Variants in HNF4A observed in about 807,000 individuals in gnomAD.
HNF4A encodes hepatocyte nuclear factor 4 alpha, also known as hepatocyte nuclear factor 4-alpha.
A neutral mutation model predicts 52.4 loss-of-function variants in HNF4A; 15 were observed. The observed-to-expected ratio is 0.29, with a 90% CI of 0.19 to 0.44. HNF4A has a LOEUF of 0.44. HNF4A is among the 20% of genes least tolerant of loss of function. The probability of loss-of-function intolerance (pLI) is 1.00; values close to 1 mark genes in which losing one functional copy is unlikely to be tolerated. For synonymous variants in HNF4A, 280 were observed against 264.4 expected (o/e 1.06, Z -0.57); for missense variants, 479 against 647.2 (o/e 0.74, Z 2.82).
chr20:44,377,431 C>T (rs1380785353), intron 1 of HNF4A, among the ~76,000 whole-genome samples: 2 of 152,090 alleles, frequency 1.3e-5, no homozygotes, highest in East Asian at 3.9e-4. Context: ...CCTCCTGATT[C>T]GAAAATAAAA....
chr20:44,383,304 AC>A (rs2063178344), intron 1 of HNF4A, among the ~76,000 whole-genome samples: 1 of 152,172 alleles, frequency 6.6e-6, no homozygotes, highest in Non-Finnish European at 1.5e-5. Context: ...AATAATCCCC[AC>A]CACGACCTAA....
In HNF4A at chr20:44,356,588, C is replaced by T. The variant is rs571135278; in HGVS notation, c.49+735C>T. On this transcript the variant is annotated intron_variant, in intron 1 of 9. Transcript: ENST00000316673. ...ACATCTGTGTGTGACAGGGAAGAAC[C>T]TCTCAGTTAAATTAAGTGAAAACGG... 3.3e-5 allele frequency among the ~76,000 whole-genome samples: 5 copies of T among 152,238 alleles called. No homozygotes were observed. The South Asian group carries it at 1.0e-3, about 32-fold the overall frequency.
chr20:44,414,125 T>G (rs1329165214), intron 4 of HNF4A, among the ~76,000 whole-genome samples: 1 of 152,160 alleles, frequency 6.6e-6, no homozygotes, highest in Non-Finnish European at 1.5e-5. Context: ...GGTGGCAAAG[T>G]GGGGCCCAGC....
rs1212441244 is a variant in HNF4A, at chr20:44,387,655, C to CGGG, written c.50-18393_50-18391dup. On this transcript the variant is annotated intron_variant, in intron 1 of 9. Coordinates refer to the HNF4A transcript ENST00000316673. Reference sequence around the variant, plus strand: ...AGTGAAGGGGTGGGGTGGAGGCAGGCGGGGGGGGGGGGAGGCGGGGGGGGC... The same window carrying CGGG: ...AGTGAAGGGGTGGGGTGGAGGCAGGCGGGGGGGGGGGGGGGAGGCGGGGGGGGC... 7.1e-3 allele frequency among the ~76,000 whole-genome samples: 61 copies of CGGG among 8,602 alleles called. 3 individuals are homozygous for CGGG. Among genetic ancestry groups the CGGG allele is most frequent in the South Asian group, 0.021 (8 of 380 alleles). The allele number at this position is 8,602 out of a possible 152,430, so 5.6% of individuals were successfully genotyped here.
At chr20:44,379,481 T>C (rs1396539644) in intron 1 of HNF4A, among the ~76,000 whole-genome samples, 2 of 152,062 alleles carry the variant, frequency 1.3e-5, no homozygotes, top group Admixed American at 1.3e-4. Flanking sequence ...ATTGTCTGTT[T>C]TGTTGTTGTT....
At chr20:44,388,599 CAT>C (rs2063263409) in intron 1 of HNF4A, among the ~76,000 whole-genome samples, 2 of 152,144 alleles carry the variant, frequency 1.3e-5, no homozygotes, top group Non-Finnish European at 2.9e-5. Flanking sequence ...TTTGGAGAGA[CAT>C]AGTGCGTCTG....
At chr20:44,356,521 C>A (rs1196054833) in intron 1 of HNF4A, among the ~76,000 whole-genome samples, 1 of 152,154 alleles carries the variant, frequency 6.6e-6, no homozygotes, top group African/African-American at 2.4e-5. Context: ...CGTGAGACGT[C>A]TTTACAGTGG....
At chr20:44,386,065 C>T (rs905799135) in intron 1 of HNF4A, among the ~76,000 whole-genome samples, 10 of 151,268 alleles carry the variant, frequency 6.6e-5, no homozygotes, top group East Asian at 2.0e-4. Context: ...CCATGTTGGC[C>T]AGGCTGGTCT....
At chr20:44,364,062 G>A (rs2062945446) in intron 1 of HNF4A, among the ~76,000 whole-genome samples, 1 of 152,164 alleles carries the variant, frequency 6.6e-6, no homozygotes. Flanking sequence ...TATTCCCTGG[G>A]TCCTAAGAGT....
intron 1 of HNF4A, among the ~76,000 whole-genome samples, chr20:44,374,438 G>A (rs921839627): frequency 2.0e-5 from 3 of 152,038 alleles, no homozygotes. Context: ...CTGCTGATGG[G>A]CACTTAGGTT....
At chr20:44,418,388 G>A in intron 5 of HNF4A, 37 bp from the exon 6 acceptor site, 1 of 1,579,250 alleles carries the variant, frequency 6.3e-7, no homozygotes, top group Non-Finnish European at 8.7e-7. Flanking sequence ...CCTTCCCAAG[G>A]GTACAGATGG....
chr20:44,375,556 T>C (rs984175749), intron 1 of HNF4A, among the ~76,000 whole-genome samples: 1 of 151,866 alleles, frequency 6.6e-6, no homozygotes, highest in Admixed American at 6.6e-5. Context: ...CTTAACAAAC[T>C]GAGACCCCAA....
intron 1 of HNF4A, among the ~76,000 whole-genome samples, chr20:44,380,109 C>T (rs1398656717): frequency 6.6e-6 from 1 of 151,528 alleles, no homozygotes; most frequent in African/African-American, 2.4e-5. Flanking sequence ...AAACTCCTGA[C>T]CTCAAGTGAT....
rs2063404271 is a variant in HNF4A, at chr20:44,401,311, CG to C, written c.-57del. Reference sequence around the variant, plus strand: ...GAGGAGGCAGTGGGAGGGCGGAGGGCGGGGGCCTTCGGGGTGGGCGCCCAGG... The same window carrying C: ...GAGGAGGCAGTGGGAGGGCGGAGGGCGGGGCCTTCGGGGTGGGCGCCCAGG... On this transcript the variant is annotated 5_prime_UTR_variant, in exon 1 of 10. Coordinates refer to ENST00000316099, the MANE Select transcript of HNF4A (RefSeq NM_000457.6). 3.2e-6 allele frequency: 2 copies of C among 621,554 alleles called. No individual in the cohort carries two copies. The allele number at this position is 621,554 out of a possible 1,614,324, so 38.5% of individuals were successfully genotyped here. A position where few individuals can be genotyped will look rare whatever the true frequency, so the allele number is the denominator to read the frequency against.
At chr20:44,379,232 A>G (rs2063122738) in intron 1 of HNF4A, among the ~76,000 whole-genome samples, 1 of 152,204 alleles carries the variant, frequency 6.6e-6, no homozygotes, top group African/African-American at 2.4e-5. Context: ...CCTTTTGGCT[A>G]TTATGAATAA....
chr20:44,393,289 C>T (rs1033176992), intron 1 of HNF4A, among the ~76,000 whole-genome samples: 9 of 152,226 alleles, frequency 5.9e-5, no homozygotes, highest in African/African-American at 1.4e-4. Flanking sequence ...ATGTCATAAG[C>T]CACCTGGCAG....
rs570893911 is a variant in HNF4A, at chr20:44,401,909, A to C, written c.115+422A>C. On this transcript the variant is annotated intron_variant, in intron 1 of 9. Transcript: ENST00000316099. ...ACGGCAAGGGATGTTGTATCCCTGG[A>C]GATGGTGGTTGGAGACATAACCGCA... 1.5e-3 allele frequency among the ~76,000 whole-genome samples: 221 copies of C among 151,348 alleles called. 1 individual carries two copies. Among genetic ancestry groups the C allele is most frequent in the Non-Finnish European group, 8.3e-4 (56 of 67,832 alleles).
At chr20:44,403,927 TG>T (rs946444239) in intron 1 of HNF4A, among the ~76,000 whole-genome samples, 1 of 151,896 alleles carries the variant, frequency 6.6e-6, no homozygotes, top group Non-Finnish European at 1.5e-5. Flanking sequence ...CCAGGAGCTG[TG>T]GGGGTCAGCT....
Position 44,429,757 on chromosome 20 carries a change from A to G in HNF4A, c.*92A>G, listed in dbSNP as rs1053888521. The G allele has an allele frequency of 3.7e-5, 49 of 1,323,780 alleles. No individual in the cohort carries two copies. The African/African-American group carries it at 6.8e-4, about 18-fold the overall frequency. The allele number at this position is 1,323,780 out of a possible 1,614,324, so 82.0% of individuals were successfully genotyped here. On this transcript the variant is annotated 3_prime_UTR_variant, in exon 10 of 10. Transcript: ENST00000316099. ...CGTGGTCACGGCAAAGGAAGACGTG[A>G]TGCCAGGACCAGTCCCAGAGCAGGA...
Sources: allele counts gnomAD v4.1 joint callset (sites outside exome capture counted in the v4.1 genomes callset), GRCh38; gene constraint gnomAD v4.1.1; transcripts MANE v1.5; gene names NCBI Gene and HGNC (gene_info 2026-07-23, HGNC 2026-07-21).